The following DCUN1D4 variants were observed in gnomAD, a reference collection of about 807,000 sequenced individuals.
DCUN1D4 encodes the protein defective in cullin neddylation 1 domain containing 4.
DCUN1D4 carries 22 observed loss-of-function variants against 47.9 expected under a neutral mutation model. The observed-to-expected ratio is 0.46, with a 90% CI of 0.33 to 0.66. The LOEUF (loss-of-function observed/expected upper bound fraction) is 0.66, where lower values mean the gene tolerates loss of function less well. DCUN1D4 is among the 30% of genes least tolerant of loss of function. DCUN1D4 has a pLI of 0.02. For synonymous variants in DCUN1D4, 121 were observed against 112.2 expected, an observed-to-expected ratio of 1.08 and a Z score of -0.50; for missense variants, 301 against 340.8, an observed-to-expected ratio of 0.88 and a Z score of 0.92.
intron 7 of DCUN1D4, among the ~76,000 whole-genome samples, chr4:51,895,200 T>C (rs1731050435): frequency 6.7e-6 from 1 of 150,108 alleles, no homozygotes; most frequent in Non-Finnish European, 1.5e-5. Context: ...TAAAATGCTG[T>C]TAAAAAAAAA....
chr4:51,853,806 G>A lies in DCUN1D4; in HGVS notation c.26-9631G>A, dbSNP rs992930094. Among the ~76,000 whole-genome samples the A allele has an allele frequency of 2.0e-5, 3 of 152,194 alleles. No homozygotes were observed. The East Asian group carries it at 5.8e-4, about 29-fold the overall frequency. On this transcript the variant is annotated intron_variant, in intron 1 of 10. Transcript: ENST00000334635. ...AGCTGGGTTTATTTTGGGCTGTGGA[G>A]ATGGGGCTCAAAAGATGCAGCAGCT... is the stretch of plus-strand genomic sequence containing the variant.
At chr4:51,873,183 A>G (rs185743711) in intron 3 of DCUN1D4, among the ~76,000 whole-genome samples, 45 of 152,292 alleles carry the variant, frequency 3.0e-4, no homozygotes, top group African/African-American at 9.9e-4. Flanking sequence ...TGGGCCTTCA[A>G]CCAAGGGCTT....
intron 1 of DCUN1D4, 68 bp from the exon 2 acceptor site, chr4:51,863,369 T>G: frequency 8.0e-7 from 1 of 1,256,320 alleles, no homozygotes; most frequent in Non-Finnish European, 1.2e-6. Context: ...ATTTGTTTAT[T>G]TTCTGAGTTT....
rs1300090779 is a variant in DCUN1D4, at chr4:51,914,352, G to A, written c.*768G>A. ...CTTATAAACATTCTTTAACTTTTTT[G>A]TTTGTTTGTTCTCTTTTTTTCCTTT... is the stretch of plus-strand genomic sequence containing the variant. On this transcript the variant is annotated 3_prime_UTR_variant, in exon 11 of 11. Coordinates refer to ENST00000334635, the MANE Select transcript of DCUN1D4 (RefSeq NM_001040402.3). The A allele has an allele frequency of 1.3e-5, 2 of 151,880 alleles. No individual in the cohort carries two copies. The highest frequency in any genetic ancestry group is 1.5e-5 in the Non-Finnish European group (1 of 67,930). The allele number at this position is 151,880 out of a possible 1,614,324, so 9.4% of individuals were successfully genotyped here.
chr4:51,885,249 T>C (rs1359612831), intron 5 of DCUN1D4, among the ~76,000 whole-genome samples: 2 of 152,092 alleles, frequency 1.3e-5, no homozygotes, highest in Admixed American at 1.3e-4. Flanking sequence ...AATTAGGAGA[T>C]CATGAGGAGA....
At chr4:51,866,897 G>A (rs980360442) in intron 3 of DCUN1D4, among the ~76,000 whole-genome samples, 1 of 152,200 alleles carries the variant, frequency 6.6e-6, no homozygotes, top group African/African-American at 2.4e-5. Context: ...CCTTCTGCCT[G>A]AGTATTGCCT....
At chr4:51,843,928 T>C (rs1202929533) in intron 1 of DCUN1D4, among the ~76,000 whole-genome samples, 1 of 117,110 alleles carries the variant, frequency 8.5e-6, no homozygotes, top group Non-Finnish European at 1.7e-5. Flanking sequence ...GACTGGGGTG[T>C]AATGGTAGTT....
chr4:51,867,237 A>G (rs1396365298), intron 3 of DCUN1D4, among the ~76,000 whole-genome samples: 1 of 152,178 alleles, frequency 6.6e-6, no homozygotes, highest in Non-Finnish European at 1.5e-5. Flanking sequence ...GCTTGGAGAC[A>G]CCAGGAACCA....
intron 3 of DCUN1D4, among the ~76,000 whole-genome samples, chr4:51,867,038 C>T (rs1468142979): frequency 6.6e-6 from 1 of 152,220 alleles, no homozygotes; most frequent in African/African-American, 2.4e-5. Context: ...TGAGCAAGCA[C>T]CCGCTCCAAT....
intron 3 of DCUN1D4, chr4:51,865,185 C>A: frequency 4.9e-6 from 1 of 204,366 alleles, no homozygotes; most frequent in Non-Finnish European, 1.1e-5. Flanking sequence ...TCAGACTTTT[C>A]TTTGCCAAAA....
At chr4:51,893,435 C>CT (rs534080564) in intron 7 of DCUN1D4, among the ~76,000 whole-genome samples, 5 of 143,702 alleles carry the variant, frequency 3.5e-5, no homozygotes, top group Non-Finnish European at 5.9e-5. Flanking sequence ...CTTTTCTTTT[C>CT]TTTTTTTTGA....
At chr4:51,848,502 G>A in intron 1 of DCUN1D4, 2 of 686,480 alleles carry the variant, frequency 2.9e-6, no homozygotes, top group Non-Finnish European at 3.6e-6. Flanking sequence ...CAGATTTACA[G>A]AGTAAAATTT....
chr4:51,901,277 C>T (rs1057497285), intron 8 of DCUN1D4, among the ~76,000 whole-genome samples: 1 of 152,122 alleles, frequency 6.6e-6, no homozygotes, highest in African/African-American at 2.4e-5. Flanking sequence ...TGAGGGACAG[C>T]CGGGGTGGTT....
At chr4:51,893,024 T>G (rs1290542209) in intron 7 of DCUN1D4, among the ~76,000 whole-genome samples, 1 of 152,222 alleles carries the variant, frequency 6.6e-6, no homozygotes, top group Non-Finnish European at 1.5e-5. Flanking sequence ...TGTTCACTAT[T>G]CTCCCATTTG....
chr4:51,851,563 A>AGGGGT (rs1409699535), intron 1 of DCUN1D4, among the ~76,000 whole-genome samples: 2 of 141,776 alleles, frequency 1.4e-5, no homozygotes, highest in East Asian at 4.8e-4. Context: ...AGCTGGTGGC[A>AGGGGT]GGGGTGGGGT....
chr4:51,871,124 G>C (rs956827148), intron 3 of DCUN1D4, among the ~76,000 whole-genome samples: 1 of 129,024 alleles, frequency 7.8e-6, no homozygotes, highest in Non-Finnish European at 1.5e-5. Flanking sequence ...TGATTAGAGT[G>C]GAGAGATTAA....
intron 8 of DCUN1D4, chr4:51,910,816 G>A (rs188180134): frequency 6.1e-6 from 3 of 489,378 alleles, no homozygotes; most frequent in South Asian, 3.1e-5. Flanking sequence ...ATAACTAATT[G>A]ATTTTGCATT....
At chr4:51,878,384 G>A (rs925631778) in intron 5 of DCUN1D4, among the ~76,000 whole-genome samples, 3 of 152,072 alleles carry the variant, frequency 2.0e-5, no homozygotes, top group African/African-American at 7.2e-5. Context: ...TTTGTATGGT[G>A]TAAAAAAGAA....
chr4:51,855,111 CATAA>C (rs1409638635), intron 1 of DCUN1D4, among the ~76,000 whole-genome samples: 1 of 152,084 alleles, frequency 6.6e-6, no homozygotes, highest in Non-Finnish European at 1.5e-5. Flanking sequence ...GTGACAAAGA[CATAA>C]ATAAATATTT....
Sources: allele counts gnomAD v4.1 joint callset (sites outside exome capture counted in the v4.1 genomes callset), GRCh38; gene constraint gnomAD v4.1.1; transcripts MANE v1.5; gene names NCBI Gene and HGNC (gene_info 2026-07-23, HGNC 2026-07-21).